MYH9: variants seen among roughly 807,000 people sequenced by gnomAD.
MYH9 encodes myosin heavy chain 9, also known as myosin-9.
In MYH9, 29 loss-of-function variants were observed where a neutral mutation model predicts 241.9. That is an observed-to-expected ratio of 0.12 (90% CI 0.09 to 0.16). MYH9 has a LOEUF of 0.16. MYH9 is among the 10% of genes least tolerant of loss of function. The pLI is 1.00. For synonymous variants in MYH9, 1,047 were observed against 1,062.6 expected (o/e 0.99, Z 0.29); for missense variants, 1,803 against 2,595.5 (o/e 0.69, Z 6.63).
chr22:36,289,512 C>T (rs932019993), intron 31 of MYH9, among the ~76,000 whole-genome samples: 19 of 152,250 alleles, frequency 1.2e-4, no homozygotes, highest in East Asian at 1.9e-4. Flanking sequence ...GGCACTACTG[C>T]GAACACCATG....
chr22:36,285,405 T>C lies in MYH9; in HGVS notation c.5275-76A>G, dbSNP rs948804083. ...GGGCATGAGCAGGGCCAGAGGAAGG[T>C]GGCAGCAGGATCCCACCAAACCCTT... On this transcript the variant is annotated intron_variant, in intron 37 of 40. Transcript: ENST00000216181. This position sits in a 1 kb window ranked among gnomAD's most constrained non-coding sequence, Gnocchi z 7.0. 1.7e-5 allele frequency: 25 copies of C among 1,498,464 alleles called. No individual in the cohort carries two copies. The highest frequency in any genetic ancestry group is 1.8e-6 in the Non-Finnish European group (2 of 1,088,232). 92.8% of individuals were successfully genotyped at this position (1,498,464 alleles called of 1,614,324 possible). A position where few individuals can be genotyped will look rare whatever the true frequency, so the allele number is the denominator to read the frequency against.
Position 36,299,060 on chromosome 22 carries a change from G to C in MYH9, c.2977-18C>G, listed in dbSNP as rs1180881209. Reference sequence around the variant, plus strand: ...TTCTTTTCCTGGGGAGAGGGGAGTAGGCTGGCATTTAGTGTTGGTTGAGCA... The same window carrying C: ...TTCTTTTCCTGGGGAGAGGGGAGTACGCTGGCATTTAGTGTTGGTTGAGCA... On this transcript the variant is annotated intron_variant, in intron 23 of 40. Coordinates refer to ENST00000216181, the MANE Select transcript of MYH9 (RefSeq NM_002473.6). 6.2e-7 allele frequency: 1 copy of C among 1,613,882 alleles called. No homozygotes were observed.
intron 1 of MYH9, among the ~76,000 whole-genome samples, chr22:36,386,807 G>C (rs946717350): frequency 6.6e-6 from 1 of 152,256 alleles, no homozygotes; most frequent in Admixed American, 6.5e-5. Flanking sequence ...CCGCAGTCCT[G>C]TCTCCTGTGC....
chr22:36,366,755 C>T lies in MYH9; in HGVS notation c.-19-17500G>A, dbSNP rs995448002. Among the ~76,000 whole-genome samples the T allele has an allele frequency of 2.6e-5, 4 of 152,042 alleles. No individual in the cohort carries two copies. The East Asian group carries it at 5.8e-4, about 22-fold the overall frequency. On this transcript the variant is annotated intron_variant, in intron 1 of 40. Transcript: ENST00000216181. ...ACACTGAAGAGATACCCAGAAGTGA[C>T]GGTGTTCTAAAGGCTTAAATACAAG...
chr22:36,358,862 G>A (rs1005377285), intron 1 of MYH9, among the ~76,000 whole-genome samples: 5 of 152,098 alleles, frequency 3.3e-5, no homozygotes, highest in Non-Finnish European at 5.9e-5. Flanking sequence ...AAAATGGTTC[G>A]ACAGCTCCAC....
chr22:36,295,195 C>G lies in MYH9; in HGVS notation c.3486-119G>C, dbSNP rs1414358704. The G allele has an allele frequency of 3.6e-6, 5 of 1,382,734 alleles. No homozygotes were observed. The East Asian group carries it at 1.1e-4, about 32-fold the overall frequency. 85.7% of individuals were successfully genotyped at this position (1,382,734 alleles called of 1,614,324 possible). On this transcript the variant is annotated intron_variant, in intron 26 of 40. Transcript: ENST00000216181. The surrounding 1 kb of genome is among the most constrained non-coding windows in gnomAD (Gnocchi z 4.1). ...GGCACAGGCACTCCAGGCAGCTTTT[C>G]TACCCACCGGCCCCTCCTAGCCATC...
At position 36,311,177 on chromosome 22, in the gene MYH9, C is replaced by T. The variant is rs186210678; in HGVS notation, c.1728+872G>A. ...TTAGGGTCTTTGTGCAGGAAGCACA[C>T]GATATGCTGAGAAAAACCAGCTTTT... On this transcript the variant is annotated intron_variant, in intron 14 of 40. Transcript: ENST00000216181. Among the ~76,000 whole-genome samples the T allele has an allele frequency of 6.7e-4, 102 of 152,318 alleles. 1 individual carries two copies. The highest frequency in any genetic ancestry group is 2.5e-3 in the African/African-American group (102 of 41,562).
In MYH9 at chr22:36,295,407, T is replaced by G. The variant is rs890154658; in HGVS notation, c.3485+98A>C. The G allele has an allele frequency of 1.0e-6, 1 of 965,378 alleles. No homozygotes were observed. Among genetic ancestry groups the G allele is most frequent in the Non-Finnish European group, 1.6e-6 (1 of 617,850 alleles). 59.8% of individuals were successfully genotyped at this position (965,378 alleles called of 1,614,324 possible). ...TGGTGCCTAAGAGGGCCACGGTGTG[T>G]GTGTGTGTGTGTGTGCAGAGGCCCG... On this transcript the variant is annotated intron_variant, in intron 26 of 40. Coordinates refer to ENST00000216181, the MANE Select transcript of MYH9 (RefSeq NM_002473.6). The surrounding 1 kb of genome is among the most constrained non-coding windows in gnomAD (Gnocchi z 4.1).
intron 23 of MYH9, among the ~76,000 whole-genome samples, chr22:36,299,921 C>G (rs1280735543): frequency 6.6e-6 from 1 of 152,214 alleles, no homozygotes; most frequent in East Asian, 1.9e-4. Flanking sequence ...AAACCCTTCC[C>G]CAGGGCCCCT....
At chr22:36,331,630 G>A (rs897974165) in intron 3 of MYH9, among the ~76,000 whole-genome samples, 2 of 152,172 alleles carry the variant, frequency 1.3e-5, no homozygotes, top group Admixed American at 1.3e-4. Context: ...CACGAGGCTC[G>A]CAGAGCGGTG....
At chr22:36,286,190 ATGGCGATAAGTAAGAAGTGTCC>A (rs1170098543) in intron 35 of MYH9, 6 of 610,764 alleles carry the variant, frequency 9.8e-6, no homozygotes, top group Non-Finnish European at 1.8e-5. Flanking sequence ...GTGCCAGGGT[ATGGCGATAAGTAAGAAGTGTCC>A]TGGCCTAACC....
chr22:36,301,946 A>G (rs1236426503), intron 20 of MYH9, among the ~76,000 whole-genome samples: 1 of 152,180 alleles, frequency 6.6e-6, no homozygotes, highest in Non-Finnish European at 1.5e-5. Flanking sequence ...CCATCTCTGA[A>G]AAAGTACCCA....
intron 25 of MYH9, among the ~76,000 whole-genome samples, chr22:36,296,322 C>G (rs529857090): frequency 2.8e-4 from 43 of 152,266 alleles, no homozygotes; most frequent in African/African-American, 9.9e-4. Flanking sequence ...GCAACCTCTG[C>G]CTCCTGGGTT....
At position 36,285,760 on chromosome 22, in the gene MYH9, C is replaced by T; in HGVS notation, c.5172G>A (p.Lys1724=). The T allele has an allele frequency of 1.2e-6, 2 of 1,610,742 alleles. No individual in the cohort carries two copies. Among genetic ancestry groups the T allele is most frequent in the Non-Finnish European group, 1.7e-6 (2 of 1,178,834 alleles). ...SGKGALALEE[K]RRLEARIAQL... is the part of the protein sequence containing the mutation. ...GGGCGATGCGGGCCTCCAGACGCCG[C>T]TTCTCCTCTAACGCCAGGGCTCTGC... The change falls in exon 37 of 41, where the codon AAG becomes AAA. Residue 1724 remains lysine, a synonymous_variant. Transcript: ENST00000216181. The surrounding 1 kb of genome is among the most constrained non-coding windows in gnomAD (Gnocchi z 7.0).
At chr22:36,386,937 T>G (rs544633722) in intron 1 of MYH9, among the ~76,000 whole-genome samples, 35 of 152,386 alleles carry the variant, frequency 2.3e-4, no homozygotes, top group African/African-American at 7.9e-4. Context: ...GGCCTGCTCG[T>G]AACGGCAGAG....
Position 36,294,108 on chromosome 22 carries a change from T to C in MYH9, c.3821A>G (p.Lys1274Arg). ...AGGCCTCACCTGCAGCTTGGTGACC[T>C]TGTCGGCCAGCTCTGTGCGCACGCG... The part of the protein sequence containing the change: ...GERVRTELAD[K>R]VTKLQVELDN... The change falls in exon 28 of 41, where the codon AAG becomes AGG. Residue 1274 changes from lysine (K) to arginine (R), a missense_variant. Physicochemically the swap from Lys to Arg is conservative, Grantham distance 26. Coordinates refer to ENST00000216181, the MANE Select transcript of MYH9 (RefSeq NM_002473.6). 6.2e-7 allele frequency: 1 copy of C among 1,609,670 alleles called. No homozygotes were observed. The highest frequency in any genetic ancestry group is 1.7e-4 in the Middle Eastern group (1 of 6,060).
chr22:36,282,632 G>A lies in MYH9; in HGVS notation c.*36C>T. 6.3e-7 allele frequency: 1 copy of A among 1,591,068 alleles called. No homozygotes were observed. The highest frequency in any genetic ancestry group is 1.7e-5 in the Admixed American group (1 of 60,024). ...CTGGGAAGGGGAGGCTGTGGTGTCT[G>A]TCTGTCCATCCATCTCAGGCTGCAG... On this transcript the variant is annotated 3_prime_UTR_variant, in exon 41 of 41. Coordinates refer to ENST00000216181, the MANE Select transcript of MYH9 (RefSeq NM_002473.6).
Position 36,295,840 on chromosome 22 carries a change from CT to C in MYH9, c.3273-124del. ...GCCTCCTGTGGTCACAATCATGGCACTTAGGATGGCTCTCAGCAGAAACAAC... is the reference window on the plus strand; with the variant it reads ...GCCTCCTGTGGTCACAATCATGGCACTAGGATGGCTCTCAGCAGAAACAAC... On this transcript the variant is annotated intron_variant, in intron 25 of 40. Coordinates refer to ENST00000216181, the MANE Select transcript of MYH9 (RefSeq NM_002473.6). This position sits in a 1 kb window ranked among gnomAD's most constrained non-coding sequence, Gnocchi z 4.1. 1.2e-6 allele frequency: 1 copy of C among 842,332 alleles called. No homozygotes were observed. The highest frequency in any genetic ancestry group is 1.9e-6 in the Non-Finnish European group (1 of 514,158). 52.2% of individuals were successfully genotyped at this position (842,332 alleles called of 1,614,324 possible).
At chr22:36,376,240 C>T (rs1450016938) in intron 1 of MYH9, among the ~76,000 whole-genome samples, 2 of 152,024 alleles carry the variant, frequency 1.3e-5, no homozygotes, top group Non-Finnish European at 1.5e-5. Context: ...GGATTACAGG[C>T]GTGAGCCACC....
Sources: allele counts gnomAD v4.1 joint callset (sites outside exome capture counted in the v4.1 genomes callset), GRCh38; gene constraint gnomAD v4.1.1; non-coding constraint Gnocchi (gnomAD v3.1); transcripts MANE v1.5; gene names NCBI Gene and HGNC (gene_info 2026-07-23, HGNC 2026-07-21).